The following IQSEC2 variants were observed in gnomAD, a reference collection of about 807,000 sequenced individuals.
IQSEC2 encodes the protein IQ motif and Sec7 domain ArfGEF 2, also known as IQ motif and SEC7 domain-containing protein 2.
Under a neutral mutation model 74.6 loss-of-function variants are expected in IQSEC2, and 6 were observed. The observed-to-expected ratio is 0.08, with a 90% CI of 0.04 to 0.16. IQSEC2 has a LOEUF of 0.16. IQSEC2 is among the 10% of genes least tolerant of loss of function. The pLI is 1.00. For synonymous variants in IQSEC2, 494 were observed against 544.5 expected, an observed-to-expected ratio of 0.91 and a Z score of 1.29; for missense variants, 734 against 1,306.2, an observed-to-expected ratio of 0.56 and a Z score of 6.75.
At chrX:53,301,575 C>G (rs781879729) in intron 1 of IQSEC2, among the ~76,000 whole-genome samples, 15 of 112,133 alleles carry the variant, frequency 1.3e-4, no homozygotes, top group Non-Finnish European at 2.6e-4. Flanking sequence ...GTCTTATTAC[C>G]CAGGTCCATC....
At chrX:53,227,605 C>T (rs1029724824), downstream of IQSEC2, 10 of 310,047 alleles carry the variant, frequency 3.2e-5, no homozygotes, top group African/African-American at 1.6e-4. Flanking sequence ...TGGCTGTGAC[C>T]GTGATGGTGG....
chrX:53,312,073 AC>A (rs2075327382), intron 1 of IQSEC2, among the ~76,000 whole-genome samples: 1 of 111,349 alleles, frequency 9.0e-6, no homozygotes, highest in Non-Finnish European at 1.9e-5. Context: ...TCATAAAAAA[AC>A]AAAACAAACA....
intron 1 of IQSEC2, among the ~76,000 whole-genome samples, chrX:53,308,370 G>A (rs1244003748): frequency 1.8e-5 from 2 of 108,826 alleles, no homozygotes; most frequent in African/African-American, 3.3e-5. Context: ...ATTATATTTC[G>A]GTATGAAGTT....
chrX:53,290,484 G>A (rs1383865462), intron 2 of IQSEC2, among the ~76,000 whole-genome samples: 1 of 111,821 alleles, frequency 8.9e-6, no homozygotes, highest in East Asian at 2.8e-4. Flanking sequence ...GTGCTCGGGT[G>A]GCCTCTCTCC....
At position 53,255,862 on chromosome X, in the gene IQSEC2, T is replaced by G. The variant is rs2074458504; in HGVS notation, c.937A>C (p.Ile313Leu). The G allele has an allele frequency of 8.3e-7, 1 of 1,209,226 alleles. No homozygotes were observed. Among genetic ancestry groups the G allele is most frequent in the African/African-American group, 1.7e-5 (1 of 57,325 alleles). Residue 313 changes from isoleucine (I) to leucine (L), a missense_variant, in exon 3 of 15, where the codon ATA becomes CTA. Transcript: ENST00000642864. ...VALRKQEEEEIKRSKALSDSY... is the reference protein window; with the variant it reads ...VALRKQEEEELKRSKALSDSY... ...TCCGATAGGGCCTTGGAGCGCTTTA[T>G]CTCCTCCTCCTCCTGCTTCCTCAGG...
intron 2 of IQSEC2, chrX:53,267,007 G>C: frequency 8.7e-7 from 1 of 1,155,161 alleles, no homozygotes; most frequent in Non-Finnish European, 1.1e-6. Flanking sequence ...CCGGACAGCA[G>C]AACTGGTGAG....
intron 2 of IQSEC2, among the ~76,000 whole-genome samples, chrX:53,256,597 C>A (rs2074473616): frequency 9.0e-6 from 1 of 111,351 alleles, no homozygotes; most frequent in Non-Finnish European, 1.9e-5. Flanking sequence ...CCCACCCCTG[C>A]ACACAGCTCT....
chrX:53,226,130 C>A (rs2074036053), downstream of IQSEC2: 1 of 112,720 alleles, frequency 8.9e-6, no homozygotes, highest in Middle Eastern at 4.2e-3. Flanking sequence ...TTGTGTATAG[C>A]CCCTGTGCAT....
chrX:53,279,559 C>G, intron 2 of IQSEC2: 1 of 1,151,731 alleles, frequency 8.7e-7, no homozygotes, highest in Non-Finnish European at 1.2e-6. Flanking sequence ...GGGTCTAGCT[C>G]TTACCTGCTC....
At chrX:53,305,698 G>C (rs2075254843) in intron 1 of IQSEC2, among the ~76,000 whole-genome samples, 1 of 111,868 alleles carries the variant, frequency 8.9e-6, no homozygotes, top group African/African-American at 3.3e-5. Flanking sequence ...TTCAAGTCTA[G>C]GTTTGTCTGA....
downstream of IQSEC2, chrX:53,231,518 T>C (rs1166394198): frequency 9.0e-6 from 1 of 111,596 alleles, no homozygotes; most frequent in Non-Finnish European, 1.9e-5. Context: ...AGGTAGGCAC[T>C]TCACATGCAT....
chrX:53,317,868 C>T (rs1569340366), intron 1 of IQSEC2, among the ~76,000 whole-genome samples: 1 of 112,189 alleles, frequency 8.9e-6, no homozygotes, highest in Non-Finnish European at 1.9e-5. Context: ...ATCAACAGGC[C>T]CTCCTGATGC....
chrX:53,235,801 C>A lies in IQSEC2; in HGVS notation c.3483G>T (p.Ser1161=), dbSNP rs781859452. 1 of 1,166,355 alleles carries A rather than the reference C, an allele frequency of 8.6e-7. No homozygotes were observed. Among genetic ancestry groups the A allele is most frequent in the South Asian group, 1.9e-5 (1 of 52,646 alleles). Residue 1161 remains serine (S), a synonymous_variant, in exon 14 of 15, where the codon TCG becomes TCT. Transcript: ENST00000642864. The stretch of plus-strand genomic sequence containing the variant: ...CACTTACTTCGATGGTGCTGTCCAG[C>A]GATCCCACGCTGTTACGCCGCCCCC... ...GKRGRRNSVG[S]LDSTIEGSVI...
chrX:53,302,255 C>G (rs1556875625), intron 1 of IQSEC2, among the ~76,000 whole-genome samples: 1 of 112,197 alleles, frequency 8.9e-6, no homozygotes, highest in East Asian at 2.8e-4. Context: ...CCCCATAGCA[C>G]TTACCACTAC....
Position 53,255,961 on chromosome X carries a change from G to C in IQSEC2, c.838C>G (p.His280Asp). 1 of 1,194,697 alleles carries C rather than the reference G, an allele frequency of 8.4e-7. No homozygotes were observed. The highest frequency in any genetic ancestry group is 1.1e-6 in the Non-Finnish European group (1 of 885,629). Residue 280 changes from histidine to aspartate, a missense_variant, in exon 3 of 15, where the codon CAC becomes GAC. Physicochemically the swap from His to Asp is moderately conservative, Grantham distance 81. This residue lies in a region of IQSEC2 where 54 missense variants were observed against 62.1 expected (regional missense o/e 0.87). Transcript: ENST00000642864. ...RLSQLPPSSS[H>D]MGGPPAGVGL... is the part of the protein sequence containing the mutation. Reference sequence around the variant, plus strand: ...ACTCCAGCAGGGGGGCCCCCCATGTGGCTGCTGGAGGGGGGCAGCTGGCTC... The same window carrying C: ...ACTCCAGCAGGGGGGCCCCCCATGTCGCTGCTGGAGGGGGGCAGCTGGCTC...
intron 1 of IQSEC2, among the ~76,000 whole-genome samples, chrX:53,302,776 A>G (rs1047682877): frequency 8.9e-6 from 1 of 111,774 alleles, no homozygotes; most frequent in East Asian, 2.8e-4. Context: ...CGTCTCTACA[A>G]TGAAATAAAA....
intron 2 of IQSEC2, among the ~76,000 whole-genome samples, chrX:53,283,112 A>T (rs1200239434): frequency 7.1e-5 from 8 of 112,440 alleles, no homozygotes; most frequent in African/African-American, 2.6e-4. Flanking sequence ...GCTACTTGGG[A>T]GGCTGAGGTG....
chrX:53,267,019 G>A (rs1307407732), intron 2 of IQSEC2: 4 of 1,152,375 alleles, frequency 3.5e-6, no homozygotes, highest in East Asian at 3.3e-5. Context: ...ACTGGTGAGC[G>A]TCTTCCTCTT....
At chrX:53,266,576 G>A (rs1169420401) in intron 2 of IQSEC2, 1 of 766,108 alleles carries the variant, frequency 1.3e-6, no homozygotes. Context: ...CTCTGTTTGT[G>A]CTCACAGAGG....
Sources: allele counts gnomAD v4.1 joint callset (sites outside exome capture counted in the v4.1 genomes callset), GRCh38; gene constraint gnomAD v4.1.1; regional missense constraint gnomAD v4.1.1; transcripts MANE v1.5; gene names NCBI Gene and HGNC (gene_info 2026-07-23, HGNC 2026-07-21).